CCSER1: variants seen among roughly 807,000 people sequenced by gnomAD.
The protein encoded by CCSER1 is coiled-coil serine rich protein 1, also known as serine-rich coiled-coil domain-containing protein 1.
Under a neutral mutation model 82.0 loss-of-function variants are expected in CCSER1, and 41 were observed. The observed-to-expected ratio is 0.50, with a 90% CI of 0.39 to 0.65. The LOEUF (loss-of-function observed/expected upper bound fraction) is 0.65, where lower values mean the gene tolerates loss of function less well. Ranked by LOEUF, CCSER1 falls within the 30% of genes least tolerant of loss-of-function variation. The pLI, the probability that CCSER1 is intolerant of heterozygous loss-of-function variation, is 0.00. For synonymous variants in CCSER1, 414 were observed against 383.9 expected (o/e 1.08, Z -0.92); for missense variants, 1,119 against 1,064.2 (o/e 1.05, Z -0.72).
intron 9 of CCSER1, among the ~76,000 whole-genome samples, chr4:91,068,082 T>G (rs911162471): frequency 6.6e-6 from 1 of 152,344 alleles, no homozygotes; most frequent in African/African-American, 2.4e-5. Flanking sequence ...GCCAATTATA[T>G]ATTTAAAGCA....
At chr4:90,275,884 A>C (rs1727442388) in intron 1 of CCSER1, among the ~76,000 whole-genome samples, 1 of 152,180 alleles carries the variant, frequency 6.6e-6, no homozygotes, top group African/African-American at 2.4e-5. Flanking sequence ...GTGTTAATGA[A>C]ATATCAATAG....
chr4:90,645,379 G>A (rs1333075509), intron 6 of CCSER1, among the ~76,000 whole-genome samples: 1 of 152,134 alleles, frequency 6.6e-6, no homozygotes, highest in Non-Finnish European at 1.5e-5. Context: ...TTATAGTAAT[G>A]ATATTCGTAG....
intron 4 of CCSER1, among the ~76,000 whole-genome samples, chr4:90,439,754 T>G (rs1461388837): frequency 1.3e-5 from 2 of 152,210 alleles, no homozygotes; most frequent in Non-Finnish European, 2.9e-5. Context: ...CTTGCTGGAC[T>G]GGATTAGAGT....
At chr4:91,368,320 A>AT (rs149109307) in intron 10 of CCSER1, among the ~76,000 whole-genome samples, 9 of 152,012 alleles carry the variant, frequency 5.9e-5, no homozygotes, top group African/African-American at 1.4e-4. Flanking sequence ...CTATTCTGTG[A>AT]TTTTTTGGCT....
chr4:91,504,386 A>G (rs948174320), intron 10 of CCSER1, among the ~76,000 whole-genome samples: 3 of 152,176 alleles, frequency 2.0e-5, no homozygotes, highest in African/African-American at 7.2e-5. Flanking sequence ...CTAAGTTGAC[A>G]GAATGAAATG....
At chr4:90,839,854 C>G (rs1035885957) in intron 8 of CCSER1, among the ~76,000 whole-genome samples, 2 of 152,064 alleles carry the variant, frequency 1.3e-5, no homozygotes, top group Non-Finnish European at 2.9e-5. Flanking sequence ...GAAAATGGTT[C>G]CCCCAAAGGG....
chr4:90,236,208 C>T (rs373506966), intron 1 of CCSER1, among the ~76,000 whole-genome samples: 70 of 152,216 alleles, frequency 4.6e-4, no homozygotes, highest in Middle Eastern at 3.4e-3. Context: ...GGATGACAGC[C>T]GTAAGCCACT....
intron 10 of CCSER1, among the ~76,000 whole-genome samples, chr4:91,426,526 G>A (rs893611924): frequency 6.6e-6 from 1 of 151,746 alleles, no homozygotes; most frequent in Non-Finnish European, 1.5e-5. Context: ...AAGAAAAGTA[G>A]TGGATTGACT....
chr4:90,842,385 ACTT>A (rs374154198), intron 8 of CCSER1, among the ~76,000 whole-genome samples: 3 of 152,304 alleles, frequency 2.0e-5, no homozygotes, highest in African/African-American at 7.2e-5. Context: ...ATTTGATAGA[ACTT>A]CTCAGGGAGA....
At chr4:90,145,381 A>G (rs572667687) in intron 1 of CCSER1, among the ~76,000 whole-genome samples, 1 of 152,166 alleles carries the variant, frequency 6.6e-6, no homozygotes, top group East Asian at 1.9e-4. Flanking sequence ...CAATAAGTGT[A>G]CTCCTGCCTG....
chr4:90,348,071 C>A (rs1014507450), intron 3 of CCSER1, among the ~76,000 whole-genome samples: 1 of 152,030 alleles, frequency 6.6e-6, no homozygotes, highest in African/African-American at 2.4e-5. Flanking sequence ...ATGATGAGGA[C>A]ATATGGACAC....
intron 10 of CCSER1, among the ~76,000 whole-genome samples, chr4:91,477,177 G>A (rs2110032084): frequency 6.6e-6 from 1 of 151,578 alleles, no homozygotes; most frequent in South Asian, 2.1e-4. Flanking sequence ...ACTCTACAAA[G>A]GATTAATACC....
At chr4:91,546,063 C>G (rs1761873958) in intron 10 of CCSER1, among the ~76,000 whole-genome samples, 1 of 151,286 alleles carries the variant, frequency 6.6e-6, no homozygotes, top group Admixed American at 6.6e-5. Context: ...ATTCTTTTGC[C>G]TGCTGGTATG....
intron 5 of CCSER1, among the ~76,000 whole-genome samples, chr4:90,565,197 TC>T (rs777627315): frequency 6.6e-6 from 1 of 152,034 alleles, no homozygotes; most frequent in African/African-American, 2.4e-5. Flanking sequence ...CAATTTTTTT[TC>T]ATTAATATTT....
intron 5 of CCSER1, among the ~76,000 whole-genome samples, chr4:90,490,715 G>T (rs963354968): frequency 6.6e-6 from 1 of 152,076 alleles, no homozygotes; most frequent in Non-Finnish European, 1.5e-5. Context: ...TTAAGGAAGG[G>T]ATCCAGTTTC....
intron 10 of CCSER1, among the ~76,000 whole-genome samples, chr4:91,165,530 C>T (rs1731948532): frequency 6.6e-6 from 1 of 152,168 alleles, no homozygotes; most frequent in African/African-American, 2.4e-5. Context: ...TGCCCTGCTC[C>T]CAGTGGTGGG....
chr4:90,773,629 G>A (rs1402351021), intron 7 of CCSER1, among the ~76,000 whole-genome samples: 1 of 152,074 alleles, frequency 6.6e-6, no homozygotes, highest in Non-Finnish European at 1.5e-5. Flanking sequence ...CATCTATATT[G>A]AATGGAAAAC....
intron 1 of CCSER1, among the ~76,000 whole-genome samples, chr4:90,296,004 T>TA (rs199994905): frequency 0.011 from 1,646 of 151,128 alleles, 19 homozygotes; most frequent in African/African-American, 0.029. Flanking sequence ...GATATAATTA[T>TA]AAAAAAAAAC....
rs544546363 is a variant in CCSER1, at chr4:90,459,071, A to G, written c.1604-9163A>G. 2.2e-4 allele frequency among the ~76,000 whole-genome samples: 33 copies of G among 152,270 alleles called. No homozygotes were observed. In the South Asian group the frequency reaches 5.2e-3, roughly 24 times the overall value. On this transcript the variant is annotated intron_variant, in intron 4 of 10. Coordinates refer to ENST00000509176, the MANE Select transcript of CCSER1 (RefSeq NM_001145065.2). ...GTTATATATGCATACATGTGTATGT[A>G]TGTGTATCTACATATATAGATAGTG...
Sources: allele counts gnomAD v4.1 joint callset (sites outside exome capture counted in the v4.1 genomes callset), GRCh38; gene constraint gnomAD v4.1.1; transcripts MANE v1.5; gene names NCBI Gene and HGNC (gene_info 2026-07-23, HGNC 2026-07-21).